Variants in LRRC53 observed in about 807,000 individuals in gnomAD.
The protein encoded by LRRC53 is leucine rich repeat containing 53.
Under a neutral mutation model 13.6 loss-of-function variants are expected in LRRC53, and 25 were observed. The observed-to-expected ratio is 1.83, with a 90% CI of 1.34 to 2.56. The LOEUF is 2.56. LRRC53 is among the 30% of genes most tolerant of loss of function. LRRC53 has a pLI of 0.00. For synonymous variants in LRRC53, 204 were observed against 109.8 expected (o/e 1.86, Z -5.37); for missense variants, 527 against 275.8 (o/e 1.91, Z -6.45).
chr1:74,479,999 G>A (rs568388341), intron 3 of LRRC53, among the ~76,000 whole-genome samples, 154 bp downstream of exon 3: 52 of 152,308 alleles, frequency 3.4e-4, no homozygotes, highest in African/African-American at 1.2e-3. Context: ...CTTGCAACCT[G>A]TGCCAAATCA....
chr1:74,499,126 G>A (rs1356113909), intron 1 of LRRC53, among the ~76,000 whole-genome samples: 1 of 152,158 alleles, frequency 6.6e-6, no homozygotes, highest in Non-Finnish European at 1.5e-5. Flanking sequence ...TGGGTTACAA[G>A]GGACAACCAG....
intron 1 of LRRC53, among the ~76,000 whole-genome samples, chr1:74,491,599 T>C (rs1339817656): frequency 6.6e-6 from 1 of 152,188 alleles, no homozygotes; most frequent in Non-Finnish European, 1.5e-5. Flanking sequence ...GAGTGGCCTG[T>C]TCAATATGGG....
intron 1 of LRRC53, among the ~76,000 whole-genome samples, chr1:74,498,768 T>C (rs188813509): frequency 6.6e-6 from 1 of 152,286 alleles, no homozygotes; most frequent in East Asian, 1.9e-4. Context: ...TATATTTCTT[T>C]TTTAATTACT....
chr1:74,510,201 T>A (rs184626455), intron 1 of LRRC53, among the ~76,000 whole-genome samples: 1 of 152,248 alleles, frequency 6.6e-6, no homozygotes, highest in East Asian at 1.9e-4. Context: ...GGGCAATCAG[T>A]TCTCACCTTT....
chr1:74,511,099 G>C (rs1018813302), intron 1 of LRRC53, among the ~76,000 whole-genome samples: 2 of 152,144 alleles, frequency 1.3e-5, no homozygotes, highest in Non-Finnish European at 2.9e-5. Flanking sequence ...TGTTGGCCAG[G>C]CTGGTCTGGA....
chr1:74,532,852 G>T, the LRRC53 span, among the ~76,000 whole-genome samples: 2 of 152,136 alleles, frequency 1.3e-5, no homozygotes, highest in Non-Finnish European at 2.9e-5. Context: ...TGGGAAAACT[G>T]GCTAGCCATA....
chr1:74,512,165 C>T (rs1314777238), intron 1 of LRRC53, among the ~76,000 whole-genome samples: 2 of 152,144 alleles, frequency 1.3e-5, no homozygotes, highest in Non-Finnish European at 2.9e-5. Flanking sequence ...ATGACTCGAA[C>T]CTGTGAGGGA....
intron 1 of LRRC53, among the ~76,000 whole-genome samples, chr1:74,484,172 C>T (rs1668638399): frequency 7.1e-6 from 1 of 141,736 alleles, no homozygotes; most frequent in South Asian, 2.2e-4. Context: ...ATTTTATGTT[C>T]AAAAAAGACA....
intron 4 of LRRC53, 136 bp downstream of exon 4, chr1:74,475,157 CAG>C: frequency 3.6e-6 from 2 of 551,980 alleles, no homozygotes; most frequent in Non-Finnish European, 6.4e-6. Flanking sequence ...CACACACACA[CAG>C]TATTTTTAGA....
chr1:74,535,367 T>C, the LRRC53 span, among the ~76,000 whole-genome samples: 22 of 152,184 alleles, frequency 1.4e-4, no homozygotes, highest in South Asian at 1.5e-3. Context: ...GCTACTCTTA[T>C]GCTGACACAC....
At chr1:74,507,223 A>ACCC (rs36051033) in intron 1 of LRRC53, among the ~76,000 whole-genome samples, 4,194 of 120,014 alleles carry the variant, frequency 0.035, 127 homozygotes, top group Non-Finnish European at 0.054. Flanking sequence ...AAATTTCTTC[A>ACCC]CCCCCCCCCC....
intron 1 of LRRC53, among the ~76,000 whole-genome samples, chr1:74,508,631 T>G (rs1570718901): frequency 1.3e-5 from 2 of 152,216 alleles, no homozygotes; most frequent in East Asian, 3.9e-4. Flanking sequence ...AGCGGTAGCA[T>G]GGGAGACTGC....
chr1:74,504,260 C>T (rs9726029), intron 1 of LRRC53, among the ~76,000 whole-genome samples: 7 of 152,276 alleles, frequency 4.6e-5, no homozygotes, highest in Admixed American at 1.3e-4. Flanking sequence ...AACTCCTTTT[C>T]GGCTGATGTG....
the LRRC53 span, among the ~76,000 whole-genome samples, chr1:74,535,092 A>C: frequency 1.3e-5 from 2 of 152,164 alleles, no homozygotes; most frequent in South Asian, 4.1e-4. Flanking sequence ...GAAGCTAAAA[A>C]TCTCCTGCCT....
chr1:74,475,493 C>G lies in LRRC53; in HGVS notation c.1222G>C (p.Gly408Arg). The change falls in exon 4 of 5, where the codon GGG becomes CGG. Residue 408 changes from glycine (G) to arginine (R), a missense_variant. Coordinates refer to ENST00000294635, the MANE Select transcript of LRRC53 (RefSeq NM_001382280.1). ...SFRNLKKKDRGVGSTLFCQDG... is the reference protein window; with the variant it reads ...SFRNLKKKDRRVGSTLFCQDG... ...TGGCAAAATAAAGTGCTGCCTACCC[C>G]ACGGTCTTTCTTTTTCAGGTTTCTA... 1 of 716,908 alleles carries G rather than the reference C, an allele frequency of 1.4e-6. No individual in the cohort carries two copies. The highest frequency in any genetic ancestry group is 2.6e-6 in the Non-Finnish European group (1 of 384,822). 44.4% of individuals were successfully genotyped at this position (716,908 alleles called of 1,614,324 possible). A position where few individuals can be genotyped will look rare whatever the true frequency, so the allele number is the denominator to read the frequency against.
At chr1:74,521,920 C>A in the LRRC53 span, among the ~76,000 whole-genome samples, 1 of 152,024 alleles carries the variant, frequency 6.6e-6, no homozygotes, top group African/African-American at 2.4e-5. Flanking sequence ...ACTCAAAAGC[C>A]CAGAGTGATT....
At chr1:74,534,059 C>A in the LRRC53 span, among the ~76,000 whole-genome samples, 6 of 152,156 alleles carry the variant, frequency 3.9e-5, no homozygotes, top group African/African-American at 1.2e-4. Flanking sequence ...AGACACCCCA[C>A]AGGGGTTTTA....
In LRRC53 at chr1:74,483,353, G is replaced by A. The variant is rs1227381138; in HGVS notation, c.-4C>T. The A allele has an allele frequency of 4.2e-6, 3 of 717,304 alleles. No homozygotes were observed. In the South Asian group the frequency reaches 4.4e-5, roughly 11 times the overall value. 44.4% of individuals were successfully genotyped at this position (717,304 alleles called of 1,614,324 possible). On this transcript the variant is annotated 5_prime_UTR_variant, in exon 2 of 5. Transcript: ENST00000294635. ...AAGCTGCCACCAACCGCAACATGAT[G>A]GCAAAGAGTACCAGCCATCCACCTG... is the stretch of plus-strand genomic sequence containing the variant.
At chr1:74,493,556 G>A (rs1669180364) in intron 1 of LRRC53, among the ~76,000 whole-genome samples, 1 of 152,162 alleles carries the variant, frequency 6.6e-6, no homozygotes. Flanking sequence ...GTCATATAAT[G>A]CTATAATAAT....
Sources: gnomAD v4.1 joint callset for allele counts (sites outside exome capture counted in the v4.1 genomes callset) on GRCh38, gnomAD v4.1.1 for gene constraint, MANE v1.5 for transcripts, NCBI Gene and HGNC (gene_info 2026-07-23, HGNC 2026-07-21) for gene names.